The following MS4A18 variants were observed in gnomAD, a reference collection of about 807,000 sequenced individuals.
MS4A18 encodes the protein membrane spanning 4-domains A18, also known as membrane-spanning 4-domains subfamily A member 18.
A neutral mutation model predicts 13.1 loss-of-function variants in MS4A18; 27 were observed. The ratio of observed to expected loss-of-function variants is 2.06; its 90% confidence interval spans 1.52 to 2.84. The LOEUF is 2.84. Among genes scored for constraint, MS4A18 ranks in the 30% most tolerant of loss-of-function variants. The pLI, the probability that MS4A18 is intolerant of heterozygous loss-of-function variation, is 0.00. For missense variants in MS4A18, 307 were observed against 196.4 expected (o/e 1.56, Z -3.37); for synonymous variants, 126 against 76.5 (o/e 1.65, Z -3.38).
intron 2 of MS4A18, 140 bp from the exon 4 acceptor site, chr11:60,736,838 G>A (rs1853347241): frequency 1.6e-6 from 1 of 618,154 alleles, no homozygotes. Context: ...ATGTTGGGAG[G>A]AAATAAACAG....
intron 4 of MS4A18, among the ~76,000 whole-genome samples, chr11:60,739,672 G>A (rs1853388320): frequency 6.6e-6 from 1 of 152,194 alleles, no homozygotes; most frequent in Admixed American, 6.5e-5. Flanking sequence ...AACTGCTCCT[G>A]AGGGGCATCA....
chr11:60,726,485 G>A (rs143679352), upstream of MS4A18, among the ~76,000 whole-genome samples: 91 of 152,234 alleles, frequency 6.0e-4, 1 homozygote, highest in African/African-American at 2.1e-3. Flanking sequence ...AGATTCACCT[G>A]GAGGGTGTGT....
chr11:60,738,934 C>T (rs527760994), exon 4 of MS4A18: 29 of 703,334 alleles, frequency 4.1e-5, no homozygotes, highest in African/African-American at 1.7e-4. Flanking sequence ...ACATCATCAG[C>T]GCACTCTTCG....
chr11:60,733,919 C>G (rs1211893665), intron 2 of MS4A18, among the ~76,000 whole-genome samples: 3 of 149,152 alleles, frequency 2.0e-5, no homozygotes, highest in East Asian at 4.1e-4. Context: ...TTTACCTCTT[C>G]CACCCTCTCT....
intron 3 of MS4A18, among the ~76,000 whole-genome samples, 177 bp downstream of exon 4, chr11:60,737,211 T>A (rs1366088742): frequency 6.6e-6 from 1 of 152,172 alleles, no homozygotes; most frequent in Non-Finnish European, 1.5e-5. Context: ...TTATCCCCAT[T>A]TTTCAGAGGA....
chr11:60,725,149 C>G (rs117528595), upstream of MS4A18, among the ~76,000 whole-genome samples: 400 of 152,312 alleles, frequency 2.6e-3, 2 homozygotes, highest in East Asian at 0.066. Flanking sequence ...CTTAGGACCT[C>G]AATCTAGAAC....
downstream of MS4A18, among the ~76,000 whole-genome samples, chr11:60,744,556 T>C (rs554396507): frequency 3.9e-5 from 6 of 152,160 alleles, no homozygotes; most frequent in Non-Finnish European, 7.3e-5. Flanking sequence ...AGTTGCTCTG[T>C]GAAAGATCTT....
chr11:60,736,785 CGGTATTTAGTATATTT>C (rs1853346213), intron 2 of MS4A18, among the ~76,000 whole-genome samples, 177 bp from the exon 4 acceptor site: 1 of 152,080 alleles, frequency 6.6e-6, no homozygotes, highest in South Asian at 2.1e-4. Context: ...TTGAGTATCA[CGGTATTTAGTATATTT>C]GGTGCCTAAC....
intron 1 of MS4A18, among the ~76,000 whole-genome samples, chr11:60,730,379 A>T (rs531715830): frequency 6.6e-6 from 1 of 152,162 alleles, no homozygotes; most frequent in East Asian, 1.9e-4. Context: ...TGCCTGGCCA[A>T]CTCTTAGTAT....
At chr11:60,733,203 A>T (rs772690213) in intron 1 of MS4A18, among the ~76,000 whole-genome samples, 1 of 152,250 alleles carries the variant, frequency 6.6e-6, no homozygotes, top group Non-Finnish European at 1.5e-5. Flanking sequence ...GGTGGTTTTC[A>T]GCCACAACCC....
chr11:60,725,753 C>A (rs1419955714), upstream of MS4A18, among the ~76,000 whole-genome samples: 1 of 152,176 alleles, frequency 6.6e-6, no homozygotes, highest in Non-Finnish European at 1.5e-5. Flanking sequence ...TCAACTTCAG[C>A]ATTTCCTAGC....
In MS4A18 at chr11:60,729,503, T is replaced by A. The variant is rs1395643956; in HGVS notation, c.188T>A (p.Leu63His). ...GGAAGAGCAAACTTACAGAATCTAC[T>A]CGTGGTGAACCAGAACTCAGCAGCA... Residue 63 changes from leucine (L) to histidine (H), a missense_variant, in exon 1 of 6, where the codon CTC (leucine) becomes CAC (histidine). Physicochemically the swap from Leu to His is moderately conservative, Grantham distance 99. Coordinates refer to ENST00000529108, the Ensembl canonical transcript of MS4A18. 3 of 702,710 alleles carry A rather than the reference T, an allele frequency of 4.3e-6. No homozygotes were observed. In the Admixed American group the frequency reaches 6.0e-5, roughly 14 times the overall value. 43.5% of individuals were successfully genotyped at this position (702,710 alleles called of 1,614,324 possible).
At chr11:60,728,402 G>GTGTGTATA (rs1565058262), upstream of MS4A18, among the ~76,000 whole-genome samples, 3 of 145,524 alleles carry the variant, frequency 2.1e-5, no homozygotes, top group African/African-American at 7.9e-5. Flanking sequence ...ATGTGTGTAT[G>GTGTGTATA]TATGTGTGTG....
chr11:60,739,278 A>G (rs1853383663), intron 4 of MS4A18, among the ~76,000 whole-genome samples: 1 of 152,036 alleles, frequency 6.6e-6, no homozygotes, highest in Non-Finnish European at 1.5e-5. Context: ...TGACCAGGTA[A>G]GCGGCCTAGG....
At chr11:60,733,868 C>T (rs1034863121) in intron 2 of MS4A18, among the ~76,000 whole-genome samples, 1 of 151,988 alleles carries the variant, frequency 6.6e-6, no homozygotes, top group Non-Finnish European at 1.5e-5. Flanking sequence ...CCCACCCAGC[C>T]TCTAGGGAAC....
upstream of MS4A18, chr11:60,729,176 T>G: frequency 1.7e-6 from 1 of 601,290 alleles, no homozygotes. Flanking sequence ...GGCAAGAAGT[T>G]TATTTTGTCT....
rs1267464261 is a variant in MS4A18, at chr11:60,729,400, G to GT, written c.86dup (p.Ala30GlyfsTer24). The GT allele has an allele frequency of 2.8e-6, 2 of 702,686 alleles. No individual in the cohort carries two copies. Among genetic ancestry groups the GT allele is most frequent in the Admixed American group, 2.0e-5 (1 of 49,998 alleles). The allele number at this position is 702,686 out of a possible 1,614,324, so 43.5% of individuals were successfully genotyped here. ...TCACGTCATCCAGCCCAGCAACCCT[G>GT]TGGCCTCTGGAAATCATCTGCAGCC... On this transcript the variant is annotated frameshift_variant, in exon 1 of 6. Coordinates refer to ENST00000529108, the Ensembl canonical transcript of MS4A18. LOFTEE classifies it high-confidence loss of function.
upstream of MS4A18, among the ~76,000 whole-genome samples, chr11:60,725,926 C>T (rs1853153032): frequency 6.6e-6 from 1 of 152,124 alleles, no homozygotes; most frequent in Non-Finnish European, 1.5e-5. Context: ...AACCACTCTC[C>T]TGGGAAATCT....
chr11:60,737,220 G>A (rs935045074), intron 3 of MS4A18, among the ~76,000 whole-genome samples, 186 bp downstream of exon 4: 2 of 152,162 alleles, frequency 1.3e-5, no homozygotes, highest in African/African-American at 4.8e-5. Context: ...TTTTTCAGAG[G>A]AGAAAATTGA....
Sources: allele counts gnomAD v4.1 joint callset (sites outside exome capture counted in the v4.1 genomes callset), GRCh38; gene constraint gnomAD v4.1.1; transcripts MANE v1.5; gene names NCBI Gene and HGNC (gene_info 2026-07-23, HGNC 2026-07-21).